The following HDAC4 variants were observed in gnomAD, a reference collection of about 807,000 sequenced individuals.
The protein encoded by HDAC4 is histone deacetylase 4.
Under a neutral mutation model 135.1 loss-of-function variants are expected in HDAC4, and 16 were observed. The ratio of observed to expected loss-of-function variants is 0.12; its 90% CI spans 0.08 to 0.18. The LOEUF (loss-of-function observed/expected upper bound fraction) is 0.18, where lower values mean the gene tolerates loss of function less well. Ranked by LOEUF, HDAC4 falls within the 10% of genes least tolerant of loss-of-function variation. The probability of loss-of-function intolerance (pLI) is 1.00; values close to 1 mark genes in which losing one functional copy is unlikely to be tolerated. For missense variants in HDAC4, 1,143 were observed against 1,511.8 expected (o/e 0.76, Z 4.05); for synonymous variants, 685 against 653.4 (o/e 1.05, Z -0.74).
intron 15 of HDAC4, among the ~76,000 whole-genome samples, chr2:239,107,110 C>T (rs779885402): frequency 5.9e-5 from 9 of 152,210 alleles, no homozygotes; most frequent in African/African-American, 9.7e-5. Context: ...TTCCTGCCCT[C>T]GCTATCAGCA....
chr2:239,294,967 C>T (rs371867704), intron 2 of HDAC4, among the ~76,000 whole-genome samples: 8 of 152,252 alleles, frequency 5.3e-5, no homozygotes, highest in African/African-American at 1.9e-4. Flanking sequence ...TCTGATAAGA[C>T]TTTTAGTGCT....
intron 1 of HDAC4, among the ~76,000 whole-genome samples, chr2:239,355,064 C>T (rs940618613): frequency 6.6e-6 from 1 of 152,110 alleles, no homozygotes; most frequent in Non-Finnish European, 1.5e-5. Context: ...GTGGTTGTTA[C>T]CATTTTCTTC....
chr2:239,163,188 G>A (rs981594385), intron 6 of HDAC4, among the ~76,000 whole-genome samples: 26 of 152,160 alleles, frequency 1.7e-4, no homozygotes, highest in African/African-American at 5.6e-4. Context: ...CCCTGGCAGG[G>A]TTTCTTAGTA....
At position 239,146,889 on chromosome 2, in the gene HDAC4, C is replaced by T. The variant is rs185808861; in HGVS notation, c.734-2175G>A. Among the ~76,000 whole-genome samples the T allele has an allele frequency of 2.6e-5, 4 of 152,284 alleles. No homozygotes were observed. The highest frequency in any genetic ancestry group is 6.5e-5 in the Admixed American group (1 of 15,300). On this transcript the variant is annotated intron_variant, in intron 7 of 26. Coordinates refer to ENST00000543185, the MANE Select transcript of HDAC4 (RefSeq NM_001378414.1). The surrounding 1 kb of genome is among the most constrained non-coding windows in gnomAD (Gnocchi z 4.5). The stretch of plus-strand genomic sequence containing the variant: ...CACCTGTTTACCCCCTGCCTCCCAG[C>T]CTGCACACCTGCCTGGGCTCCCTGA...
chr2:239,312,703 G>A (rs2052942615), intron 2 of HDAC4, among the ~76,000 whole-genome samples: 1 of 152,194 alleles, frequency 6.6e-6, no homozygotes, highest in South Asian at 2.1e-4. Context: ...CGTGTCCCAT[G>A]GACATGAAGT....
At chr2:239,221,793 G>A (rs1326640107) in intron 3 of HDAC4, among the ~76,000 whole-genome samples, 1 of 152,190 alleles carries the variant, frequency 6.6e-6, no homozygotes, top group Non-Finnish European at 1.5e-5. Flanking sequence ...ACAACTTGAA[G>A]TGATTCTTTT....
At chr2:239,363,556 C>G (rs1307802055) in intron 1 of HDAC4, among the ~76,000 whole-genome samples, 2 of 152,200 alleles carry the variant, frequency 1.3e-5, no homozygotes, top group Non-Finnish European at 2.9e-5. Context: ...TGAACCACAG[C>G]CCATACAGCC....
chr2:239,236,722 T>G, intron 2 of HDAC4, 58 bp from the exon 3 acceptor site: 4 of 1,300,422 alleles, frequency 3.1e-6, no homozygotes, highest in Non-Finnish European at 4.4e-6. Flanking sequence ...CCAACATACT[T>G]TATGCTGGGA....
Position 239,188,137 on chromosome 2 carries a change from C to T in HDAC4, c.339+1696G>A, listed in dbSNP as rs911388301. Reference sequence around the variant, plus strand: ...AGAGGGGGCCGAGTACAGAGCTCTCCGGGCTCACCTTTGAAGCACAGGCAC... The same window carrying T: ...AGAGGGGGCCGAGTACAGAGCTCTCTGGGCTCACCTTTGAAGCACAGGCAC... On this transcript the variant is annotated intron_variant, in intron 4 of 26. Coordinates refer to ENST00000543185, the MANE Select transcript of HDAC4 (RefSeq NM_001378414.1). Among the ~76,000 whole-genome samples, 9 of 152,170 alleles carry T rather than the reference C, an allele frequency of 5.9e-5. No individual in the cohort carries two copies. The South Asian group carries it at 8.3e-4, about 14-fold the overall frequency.
At chr2:239,326,418 C>T (rs933010611) in intron 2 of HDAC4, among the ~76,000 whole-genome samples, 4 of 152,152 alleles carry the variant, frequency 2.6e-5, no homozygotes, top group Non-Finnish European at 5.9e-5. Flanking sequence ...AAGATGAAAA[C>T]GTTCTGGGAA....
chr2:239,279,618 A>G (rs1419236571), intron 2 of HDAC4, among the ~76,000 whole-genome samples: 3 of 152,232 alleles, frequency 2.0e-5, no homozygotes, highest in African/African-American at 4.8e-5. Context: ...GAGCTGGGAC[A>G]GCTCCAGCAG....
rs1020937459 is a variant in HDAC4, at chr2:239,050,157, G to A, written c.*2940C>T. 2.0e-5 allele frequency: 3 copies of A among 152,628 alleles called. No individual in the cohort carries two copies. Among genetic ancestry groups the A allele is most frequent in the Non-Finnish European group, 4.4e-5 (3 of 68,068 alleles). The allele number at this position is 152,628 out of a possible 1,614,324, so 9.5% of individuals were successfully genotyped here. ...ACAGTAATGCTCTCAGCACATTTGT[G>A]AAGCTGGAGTGAGCTGACAGATGAA... is the stretch of plus-strand genomic sequence containing the variant. On this transcript the variant is annotated 3_prime_UTR_variant, in exon 27 of 27. Coordinates refer to ENST00000543185, the MANE Select transcript of HDAC4 (RefSeq NM_001378414.1).
intron 22 of HDAC4, among the ~76,000 whole-genome samples, chr2:239,069,745 G>A (rs550844755): frequency 7.1e-6 from 1 of 139,950 alleles, no homozygotes; most frequent in East Asian, 2.3e-4. Context: ...TGCTTGGTGA[G>A]AGGGAGTCAC....
intron 4 of HDAC4, among the ~76,000 whole-genome samples, chr2:239,188,382 G>A (rs114303400): frequency 6.6e-6 from 1 of 152,360 alleles, no homozygotes; most frequent in African/African-American, 2.4e-5. Flanking sequence ...GGATCCTGTG[G>A]TCAAGAGAAT....
chr2:239,336,528 C>A (rs964098657), intron 2 of HDAC4, among the ~76,000 whole-genome samples: 11 of 152,076 alleles, frequency 7.2e-5, no homozygotes, highest in Non-Finnish European at 1.3e-4. Flanking sequence ...AAAAGAGTCC[C>A]CAAAGGAAAA....
chr2:239,131,206 G>A (rs2040559154), intron 11 of HDAC4, among the ~76,000 whole-genome samples: 1 of 152,332 alleles, frequency 6.6e-6, no homozygotes, highest in African/African-American at 2.4e-5. Context: ...TGGCGTGTAG[G>A]AGGCAGCTCT....
chr2:239,096,597 C>T (rs1193308408), intron 16 of HDAC4, among the ~76,000 whole-genome samples: 1 of 73,324 alleles, frequency 1.4e-5, no homozygotes, highest in Non-Finnish European at 2.8e-5. Context: ...GCACCCCCCA[C>T]GAACACCTGC....
chr2:239,281,441 A>G (rs2050741360), intron 2 of HDAC4, among the ~76,000 whole-genome samples: 1 of 148,290 alleles, frequency 6.7e-6, no homozygotes, highest in Non-Finnish European at 1.5e-5. Flanking sequence ...ACCACTCTAC[A>G]ATGAACACAC....
At position 239,090,014 on chromosome 2, in the gene HDAC4, G is replaced by A; in HGVS notation, c.2383C>T (p.Leu795=). The part of the protein sequence containing the change: ...ELVFKVATGE[L]KNGFAVVRPP... Reference sequence around the variant, plus strand: ...CTGTCCAGGCCCCGACTGACCTTCAGCTCCCCTGTGGCCACCTTGAAGACC... The same window carrying A: ...CTGTCCAGGCCCCGACTGACCTTCAACTCCCCTGTGGCCACCTTGAAGACC... The change falls in exon 18 of 27, where the codon CTG becomes TTG. Residue 795 remains leucine (L), a synonymous_variant. Coordinates refer to ENST00000543185, the MANE Select transcript of HDAC4 (RefSeq NM_001378414.1). 6.2e-7 allele frequency: 1 copy of A among 1,612,476 alleles called. No individual in the cohort carries two copies. Among genetic ancestry groups the A allele is most frequent in the Non-Finnish European group, 8.5e-7 (1 of 1,178,724 alleles).
Sources: gnomAD v4.1 joint callset for allele counts (sites outside exome capture counted in the v4.1 genomes callset) on GRCh38, gnomAD v4.1.1 for gene constraint, Gnocchi (gnomAD v3.1) non-coding constraint, MANE v1.5 for transcripts, NCBI Gene and HGNC (gene_info 2026-07-23, HGNC 2026-07-21) for gene names.